BMF: variants seen among roughly 807,000 people sequenced by gnomAD.
BMF encodes bcl-2-modifying factor.
In BMF, 10 loss-of-function variants were observed where a neutral mutation model predicts 22.0. The ratio of observed to expected loss-of-function variants is 0.45; its 90% confidence interval spans 0.28 to 0.77. The LOEUF (loss-of-function observed/expected upper bound fraction) is 0.77, where lower values mean the gene tolerates loss of function less well. Among genes scored for constraint, BMF ranks in the 30% least tolerant of loss-of-function variants. The probability of loss-of-function intolerance (pLI) is 0.13; values close to 1 mark genes in which losing one functional copy is unlikely to be tolerated. For synonymous variants in BMF, 87 were observed against 88.1 expected (o/e 0.99, Z 0.07); for missense variants, 206 against 226.8 (o/e 0.91, Z 0.59).
In BMF at chr15:40,091,560, C is replaced by T; in HGVS notation, c.*227G>A. ...ACCATCACAGACACATCAGCCTCTC[C>T]TTCAACAGTGTTTGACAAAGGCCCC... On this transcript the variant is annotated 3_prime_UTR_variant, in exon 5 of 5. Coordinates refer to ENST00000354670, the MANE Select transcript of BMF (RefSeq NM_001003940.2). 2 of 497,738 alleles carry T rather than the reference C, an allele frequency of 4.0e-6. No individual in the cohort carries two copies. Among genetic ancestry groups the T allele is most frequent in the Non-Finnish European group, 7.2e-6 (2 of 278,518 alleles). 30.8% of individuals were successfully genotyped at this position (497,738 alleles called of 1,614,324 possible).
At chr15:40,104,400 C>G in intron 3 of BMF, 60 bp from the exon 4 acceptor site, 1 of 1,586,186 alleles carries the variant, frequency 6.3e-7, no homozygotes. Flanking sequence ...CCTCCCTACG[C>G]CTGCCTGACC....
chr15:40,097,077 T>C (rs951979288), intron 4 of BMF, among the ~76,000 whole-genome samples: 1 of 152,200 alleles, frequency 6.6e-6, no homozygotes, highest in African/African-American at 2.4e-5. Flanking sequence ...AACAGGAACA[T>C]TGAGAGCAGG....
intron 4 of BMF, among the ~76,000 whole-genome samples, chr15:40,098,928 T>C (rs2036419641): frequency 6.6e-6 from 1 of 152,146 alleles, no homozygotes; most frequent in Non-Finnish European, 1.5e-5. Flanking sequence ...AAGCTAAATA[T>C]AGCGAGCGAT....
At chr15:40,103,276 G>A (rs913024505) in intron 4 of BMF, among the ~76,000 whole-genome samples, 11 of 152,356 alleles carry the variant, frequency 7.2e-5, no homozygotes, top group African/African-American at 2.2e-4. Flanking sequence ...GAATGTGTTC[G>A]CTTCCAGGTG....
intron 4 of BMF, among the ~76,000 whole-genome samples, chr15:40,098,064 GA>G (rs943978114): frequency 1.3e-5 from 2 of 151,792 alleles, no homozygotes; most frequent in African/African-American, 4.8e-5. Flanking sequence ...AACGGAAAAG[GA>G]AAAAAAAGAC....
chr15:40,105,664 G>A (rs1595486863), intron 3 of BMF, 131 bp downstream of exon 3: 1 of 1,133,726 alleles, frequency 8.8e-7, no homozygotes, highest in Middle Eastern at 3.0e-4. Flanking sequence ...GCAGCAGGTG[G>A]AAGTCAAGGA....
chr15:40,107,184 C>T (rs1402049058), intron 2 of BMF, among the ~76,000 whole-genome samples: 3 of 152,180 alleles, frequency 2.0e-5, no homozygotes, highest in Non-Finnish European at 2.9e-5. Context: ...CTGCAGCAGC[C>T]AGAAGCAGCA....
Position 40,104,205 on chromosome 15 carries a change from T to G in BMF, c.428A>C (p.Gln143Pro). The change falls in exon 4 of 5, where the codon CAG (glutamine) becomes CCG (proline). Residue 143 changes from glutamine to proline, a missense_variant. Gln to Pro is a moderately conservative substitution (Grantham distance 76, BLOSUM62 -1). Coordinates refer to ENST00000354670, the MANE Select transcript of BMF (RefSeq NM_001003940.2). ...IARKLQCIADQFHRLHVQQHQ... is the reference protein window; with the variant it reads ...IARKLQCIADPFHRLHVQQHQ... ...TTGCTGCACATGAAGCCGGTGGAAC[T>G]GGTCTGCAATGCACTGAAGCTTTCG... 1.2e-6 allele frequency: 2 copies of G among 1,614,188 alleles called. No homozygotes were observed. The highest frequency in any genetic ancestry group is 1.7e-6 in the Non-Finnish European group (2 of 1,180,030).
intron 4 of BMF, among the ~76,000 whole-genome samples, chr15:40,095,845 C>T (rs2036348147): frequency 6.6e-6 from 1 of 152,150 alleles, no homozygotes; most frequent in Non-Finnish European, 1.5e-5. Context: ...GCTTCTTTGG[C>T]CCAGCCTCAT....
Position 40,088,202 on chromosome 15 carries a change from A to T in BMF, c.*3585T>A. On this transcript the variant is annotated 3_prime_UTR_variant, in exon 5 of 5. Transcript: ENST00000354670. ...GGAGGGGCACTGGCCACCTGCACAGAGAGAGGGGGCAGTGGGGCTCTGAGC... is the reference window on the plus strand; with the variant it reads ...GGAGGGGCACTGGCCACCTGCACAGTGAGAGGGGGCAGTGGGGCTCTGAGC... 1 of 152,744 alleles carries T rather than the reference A, an allele frequency of 6.5e-6. No individual in the cohort carries two copies. The highest frequency in any genetic ancestry group is 1.5e-5 in the Non-Finnish European group (1 of 68,128). The allele number at this position is 152,744 out of a possible 1,614,324, so 9.5% of individuals were successfully genotyped here.
Position 40,089,061 on chromosome 15 carries a change from C to T in BMF, c.*2726G>A, listed in dbSNP as rs1463302394. 2.0e-5 allele frequency: 3 copies of T among 152,690 alleles called. No individual in the cohort carries two copies. The highest frequency in any genetic ancestry group is 7.2e-5 in the African/African-American group (3 of 41,428). The allele number at this position is 152,690 out of a possible 1,614,324, so 9.5% of individuals were successfully genotyped here. A position where few individuals can be genotyped will look rare whatever the true frequency, so the allele number is the denominator to read the frequency against. On this transcript the variant is annotated 3_prime_UTR_variant, in exon 5 of 5. Transcript: ENST00000354670. ...TCCAGTCCCTCTCCCAACCCCCACC[C>T]TCAGCAAGCCACAAAGCCTCCACCG... is the stretch of plus-strand genomic sequence containing the variant.
chr15:40,108,219 A>AAAACACACACACACAC (rs143336176), intron 2 of BMF, 40 bp downstream of exon 2: 1 of 145,034 alleles, frequency 6.9e-6, no homozygotes, highest in Non-Finnish European at 1.5e-5. Context: ...AGTGACTAGG[A>AAAACACACACACACAC]ACACACACAC....
intron 4 of BMF, among the ~76,000 whole-genome samples, chr15:40,103,907 G>A (rs931146128): frequency 2.0e-5 from 3 of 152,220 alleles, no homozygotes; most frequent in African/African-American, 7.2e-5. Context: ...GCTGCAGAAA[G>A]CCATCCTATT....
At chr15:40,092,706 G>C (rs920081012) in intron 4 of BMF, among the ~76,000 whole-genome samples, 1 of 152,166 alleles carries the variant, frequency 6.6e-6, no homozygotes, top group Admixed American at 6.5e-5. Context: ...GGAAGCTAGG[G>C]GCAAAGTTCA....
chr15:40,099,735 A>G (rs1017286211), intron 4 of BMF, among the ~76,000 whole-genome samples: 2 of 140,658 alleles, frequency 1.4e-5, no homozygotes, highest in Non-Finnish European at 3.0e-5. Flanking sequence ...CCGAGATCGC[A>G]CCACTGTACT....
intron 4 of BMF, among the ~76,000 whole-genome samples, chr15:40,095,931 C>T (rs978367762): frequency 1.3e-5 from 2 of 152,150 alleles, no homozygotes; most frequent in Non-Finnish European, 2.9e-5. Context: ...ACACCCTATG[C>T]CTGAATGCAC....
chr15:40,100,137 A>G (rs1346933695), intron 4 of BMF, among the ~76,000 whole-genome samples: 3 of 152,116 alleles, frequency 2.0e-5, no homozygotes, highest in Non-Finnish European at 4.4e-5. Context: ...GCTTCTTAAC[A>G]TTGCCCAGAA....
chr15:40,105,511 C>T (rs1363238224), intron 3 of BMF, among the ~76,000 whole-genome samples: 1 of 152,224 alleles, frequency 6.6e-6, no homozygotes. Context: ...AGGCAAGTCA[C>T]TGCTAGGACA....
chr15:40,101,197 G>C (rs1299444515), intron 4 of BMF, among the ~76,000 whole-genome samples: 1 of 152,204 alleles, frequency 6.6e-6, no homozygotes, highest in Non-Finnish European at 1.5e-5. Flanking sequence ...TCCCCTGCCA[G>C]GTGGAGTGGG....
Sources: allele counts gnomAD v4.1 joint callset (sites outside exome capture counted in the v4.1 genomes callset), GRCh38; gene constraint gnomAD v4.1.1; transcripts MANE v1.5; gene names NCBI Gene and HGNC (gene_info 2026-07-23, HGNC 2026-07-21).